The following NDUFA8 variants were observed in gnomAD, a reference collection of about 807,000 sequenced individuals.
NDUFA8 encodes NADH dehydrogenase [ubiquinone] 1 alpha subcomplex subunit 8.
NDUFA8 carries 16 observed loss-of-function variants against 20.9 expected under a neutral mutation model. The observed-to-expected ratio is 0.77, with a 90% CI of 0.52 to 1.16. The LOEUF is 1.16. Ranked by LOEUF, NDUFA8 falls within the 50% of genes most tolerant of loss-of-function variation. The pLI, the probability that NDUFA8 is intolerant of heterozygous loss-of-function variation, is 0.00. For missense variants in NDUFA8, 202 were observed against 216.4 expected (o/e 0.93, Z 0.42); for synonymous variants, 70 against 76.1 (o/e 0.92, Z 0.41).
chr9:122,138,025 CA>C, the NDUFA8 span, among the ~76,000 whole-genome samples: 9 of 152,208 alleles, frequency 5.9e-5, no homozygotes, highest in Non-Finnish European at 1.3e-4. Context: ...TCCTTGGAAA[CA>C]ACCACAGCAG....
intron 2 of NDUFA8, among the ~76,000 whole-genome samples, chr9:122,151,907 AAAGG>A (rs1185418133): frequency 6.6e-6 from 1 of 152,210 alleles, no homozygotes; most frequent in Non-Finnish European, 1.5e-5. Context: ...GCCTGCTTAA[AAAGG>A]ACTGTGATAG....
At chr9:122,138,596 T>A in the NDUFA8 span, among the ~76,000 whole-genome samples, 1 of 152,242 alleles carries the variant, frequency 6.6e-6, no homozygotes, top group Non-Finnish European at 1.5e-5. Context: ...TACTCTCTTT[T>A]GCAGAGGTGA....
chr9:122,144,422 T>G (rs1368728228), intron 3 of NDUFA8, 44 bp from the exon 4 acceptor site: 5 of 1,579,168 alleles, frequency 3.2e-6, no homozygotes, highest in Non-Finnish European at 2.6e-6. Context: ...AAAGCTAGGG[T>G]GGAGGAATCT....
At chr9:122,138,866 G>GGGT in the NDUFA8 span, among the ~76,000 whole-genome samples, 482 of 19,182 alleles carry the variant, frequency 0.025, 14 homozygotes, top group Non-Finnish European at 0.047. Context: ...AAGAAGAGGT[G>GGGT]GGGGGGGGGC....
At chr9:122,138,548 C>T in the NDUFA8 span, among the ~76,000 whole-genome samples, 2 of 152,122 alleles carry the variant, frequency 1.3e-5, no homozygotes, top group East Asian at 1.9e-4. Flanking sequence ...GGTGTTTATT[C>T]TGTATAGACC....
At chr9:122,152,555 AT>A (rs59160522) in intron 1 of NDUFA8, 147 bp from the exon 2 acceptor site, 25,135 of 454,962 alleles carry the variant, frequency 0.055, 1 homozygote, top group East Asian at 0.12. Flanking sequence ...CATAATAATA[AT>A]TTTTTTTTTT....
At position 122,144,168 on chromosome 9, in the gene NDUFA8, G is replaced by A. The variant is rs1417924280; in HGVS notation, c.*73C>T. 1.7e-5 allele frequency: 28 copies of A among 1,610,878 alleles called. No homozygotes were observed. The highest frequency in any genetic ancestry group is 2.2e-5 in the East Asian group (1 of 44,870). On this transcript the variant is annotated 3_prime_UTR_variant, in exon 4 of 4. Transcript: ENST00000373768. ...TCCCGGAAAGAACACACTATCAGTC[G>A]ATGCAAACCGCATGGGCGTTTTCAT...
intron 3 of NDUFA8, among the ~76,000 whole-genome samples, chr9:122,146,551 G>A (rs1828907412): frequency 6.6e-6 from 1 of 152,162 alleles, no homozygotes; most frequent in Admixed American, 6.5e-5. Context: ...AAATTGCTAA[G>A]TTATTACTCA....
In NDUFA8 at chr9:122,144,235, C is replaced by A; in HGVS notation, c.*6G>T. On this transcript the variant is annotated 3_prime_UTR_variant, in exon 4 of 4. Transcript: ENST00000373768. The stretch of plus-strand genomic sequence containing the variant: ...ACATGACCGAGTGTGGGCCACGGAC[C>A]CATCTTTACTTGGTCCAGAAATAAA... The A allele has an allele frequency of 6.2e-7, 1 of 1,613,622 alleles. No homozygotes were observed. The highest frequency in any genetic ancestry group is 1.1e-5 in the South Asian group (1 of 91,040).
chr9:122,134,682 G>A, the NDUFA8 span, among the ~76,000 whole-genome samples: 6 of 152,148 alleles, frequency 3.9e-5, no homozygotes, highest in Non-Finnish European at 8.8e-5. Flanking sequence ...TCCACAGTGA[G>A]GGAGTCAGAA....
chr9:122,137,357 T>C, the NDUFA8 span, among the ~76,000 whole-genome samples: 1 of 150,870 alleles, frequency 6.6e-6, no homozygotes, highest in South Asian at 2.1e-4. Flanking sequence ...TTCTCCTGTC[T>C]CAGCCTCTGG....
intron 3 of NDUFA8, 133 bp downstream of exon 3, chr9:122,147,979 T>C: frequency 9.0e-7 from 1 of 1,116,376 alleles, no homozygotes; most frequent in Non-Finnish European, 1.4e-6. Flanking sequence ...AATCACTGCC[T>C]AATTAATATG....
Position 122,148,280 on chromosome 9 carries a change from G to A in NDUFA8, c.216-3C>T, listed in dbSNP as rs1319044954. 1.9e-6 allele frequency: 3 copies of A among 1,613,898 alleles called. No individual in the cohort carries two copies. The highest frequency in any genetic ancestry group is 1.3e-5 in the African/African-American group (1 of 74,890). On this transcript the variant is annotated splice_region_variant and splice_polypyrimidine_tract_variant and intron_variant, in intron 2 of 3. Coordinates refer to ENST00000373768, the MANE Select transcript of NDUFA8 (RefSeq NM_014222.3). ...CTGCACAGTGACGTTTTATCTGCCT[G>A]GAAAAGAAAGCTGGGTTAGGGGCAT...
At chr9:122,153,750 T>C (rs1376062579) in intron 1 of NDUFA8, among the ~76,000 whole-genome samples, 1 of 152,246 alleles carries the variant, frequency 6.6e-6, no homozygotes, top group Non-Finnish European at 1.5e-5. Flanking sequence ...TTCAAAACTT[T>C]TTTGGCTATT....
At chr9:122,154,536 C>A (rs1170555263) in intron 1 of NDUFA8, among the ~76,000 whole-genome samples, 1 of 152,184 alleles carries the variant, frequency 6.6e-6, no homozygotes, top group Admixed American at 6.5e-5. Flanking sequence ...ACTGTATTTT[C>A]TCTCCAGCCA....
chr9:122,136,588 GCT>G, the NDUFA8 span, among the ~76,000 whole-genome samples: 1 of 150,988 alleles, frequency 6.6e-6, no homozygotes, highest in Non-Finnish European at 1.5e-5. Flanking sequence ...ACGGAGTCTC[GCT>G]CTGTCACCCA....
downstream of NDUFA8, among the ~76,000 whole-genome samples, chr9:122,142,533 T>C (rs1828838480): frequency 6.6e-6 from 1 of 152,218 alleles, no homozygotes; most frequent in African/African-American, 2.4e-5. Flanking sequence ...CGCATGGCTT[T>C]GAAGAATAGG....
intron 1 of NDUFA8, among the ~76,000 whole-genome samples, chr9:122,155,837 A>G (rs1328425789): frequency 6.6e-6 from 1 of 152,244 alleles, no homozygotes; most frequent in South Asian, 2.1e-4. Context: ...AGACTGACGC[A>G]TTATTTATTT....
downstream of NDUFA8, among the ~76,000 whole-genome samples, chr9:122,141,149 T>C (rs927282986): frequency 6.6e-6 from 1 of 152,222 alleles, no homozygotes; most frequent in Non-Finnish European, 1.5e-5. Flanking sequence ...AATAGCATGC[T>C]GTAGAGTATA....
Sources: gnomAD v4.1 joint callset for allele counts (sites outside exome capture counted in the v4.1 genomes callset) on GRCh38, gnomAD v4.1.1 for gene constraint, MANE v1.5 for transcripts, NCBI Gene and HGNC (gene_info 2026-07-23, HGNC 2026-07-21) for gene names.